The following ONECUT1 variants were observed in gnomAD, a reference collection of about 807,000 sequenced individuals.
The protein encoded by ONECUT1 is hepatocyte nuclear factor 6.
A neutral mutation model predicts 25.6 loss-of-function variants in ONECUT1; 12 were observed. That is an observed-to-expected ratio of 0.47 (90% CI 0.30 to 0.76). ONECUT1 has a LOEUF of 0.76. Ranked by LOEUF, ONECUT1 falls within the 30% of genes least tolerant of loss-of-function variation. The pLI is 0.07. For missense variants in ONECUT1, 620 were observed against 651.2 expected (o/e 0.95, Z 0.52); for synonymous variants, 285 against 270.2 (o/e 1.05, Z -0.54).
intron 1 of ONECUT1, among the ~76,000 whole-genome samples, chr15:52,767,634 T>G (rs372328084): frequency 2.6e-5 from 4 of 152,212 alleles, no homozygotes; most frequent in South Asian, 2.1e-4. Context: ...GCTGCGGCCT[T>G]GCGCCTGCTA....
chr15:52,759,102 T>A (rs2083690475), intron 1 of ONECUT1, among the ~76,000 whole-genome samples: 2 of 152,188 alleles, frequency 1.3e-5, no homozygotes, highest in South Asian at 2.1e-4. Context: ...TGTACTCTCA[T>A]CATGACCATA....
chr15:52,777,091 T>A (rs2083805824), intron 1 of ONECUT1, among the ~76,000 whole-genome samples: 1 of 152,204 alleles, frequency 6.6e-6, no homozygotes, highest in African/African-American at 2.4e-5. Context: ...GCATGTTGAA[T>A]CAATTATTCC....
intron 1 of ONECUT1, 25 bp from the exon 2 acceptor site, chr15:52,757,872 A>G (rs1370249380): frequency 5.0e-6 from 8 of 1,604,538 alleles, no homozygotes; most frequent in Non-Finnish European, 6.8e-6. Context: ...AGAAGATGTT[A>G]GAACAAATGG....
Position 52,789,723 on chromosome 15 carries a change from G to A in ONECUT1, c.162C>T (p.Gly54=). 1 of 1,442,724 alleles carries A rather than the reference G, an allele frequency of 6.9e-7. No homozygotes were observed. Among genetic ancestry groups the A allele is most frequent in the Non-Finnish European group, 9.0e-7 (1 of 1,106,698 alleles). 89.4% of individuals were successfully genotyped at this position (1,442,724 alleles called of 1,614,324 possible). The part of the protein sequence containing the change: ...HLPPAHPRSM[G]MASLLDGGSG... ...TGCCGCCGTCCAGCAGGGACGCCATGCCCATGGAGCGCGGGTGCGCGGGGG... is the reference window on the plus strand; with the variant it reads ...TGCCGCCGTCCAGCAGGGACGCCATACCCATGGAGCGCGGGTGCGCGGGGG... The change falls in exon 1 of 2, where the codon GGC becomes GGT. Residue 54 remains glycine, a synonymous_variant. Coordinates refer to ENST00000305901, the MANE Select transcript of ONECUT1 (RefSeq NM_004498.4). This position sits in a 1 kb window ranked among gnomAD's most constrained non-coding sequence, Gnocchi z 4.1.
chr15:52,764,740 A>T (rs2083724399), intron 1 of ONECUT1, among the ~76,000 whole-genome samples: 1 of 152,232 alleles, frequency 6.6e-6, no homozygotes, highest in Non-Finnish European at 1.5e-5. Flanking sequence ...TGGCATTGTC[A>T]TAAGGGCCTG....
intron 1 of ONECUT1, among the ~76,000 whole-genome samples, chr15:52,768,141 TACAG>T (rs2083746099): frequency 1.3e-5 from 2 of 152,166 alleles, no homozygotes; most frequent in African/African-American, 4.8e-5. Context: ...ATAGGGTGAC[TACAG>T]TTAATTATAA....
intron 1 of ONECUT1, chr15:52,780,900 C>T: frequency 7.7e-7 from 1 of 1,307,176 alleles, no homozygotes; most frequent in Non-Finnish European, 9.7e-7. Flanking sequence ...GCGGCATATG[C>T]AAAGGAAGAT....
rs114032245 is a variant in ONECUT1 at position 52,783,011 on chromosome 15, G to A, written c.1105+5769C>T. Among the ~76,000 whole-genome samples, 1,165 of 152,244 alleles carry A rather than the reference G, an allele frequency of 7.7e-3. 14 individuals carry two copies. The highest frequency in any genetic ancestry group is 0.026 in the African/African-American group (1,100 of 41,536). On this transcript the variant is annotated intron_variant, in intron 1 of 1. Transcript: ENST00000305901. ...TTTTATTGGTATGCTCTGTAAGAAC[G>A]ATTTCTTCTGATAACTTGGGGTAGC...
chr15:52,789,674 G>T lies in ONECUT1; in HGVS notation c.211C>A (p.His71Asn). The T allele has an allele frequency of 2.0e-6, 3 of 1,518,088 alleles. No homozygotes were observed. In the East Asian group the frequency reaches 7.3e-5, roughly 37 times the overall value. The allele number at this position is 1,518,088 out of a possible 1,614,324, so 94.0% of individuals were successfully genotyped here. A position where few individuals can be genotyped will look rare whatever the true frequency, so the allele number is the denominator to read the frequency against. Residue 71 changes from histidine to asparagine, a missense_variant, in exon 1 of 2, where the codon CAC becomes AAC. Physicochemically the swap from His to Asn is moderately conservative, Grantham distance 68. Around this residue, in one of 4 missense-constraint regions of ONECUT1, gnomAD observed 440 missense variants for 404.9 expected, o/e 1.09. Coordinates refer to ENST00000305901, the MANE Select transcript of ONECUT1 (RefSeq NM_004498.4). This position sits in a 1 kb window ranked among gnomAD's most constrained non-coding sequence, Gnocchi z 4.1. ...AGGCTGTGCTCAGGGGCCCGGTGGT[G>T]GTGGTGGTAATCTCCGCCGCCGCTG... ...GGSGGGDYHH[H>N]HRAPEHSLAG...
rs1159628456 is a variant in ONECUT1, at chr15:52,790,320, A to G, written c.-436T>C. 5.3e-5 allele frequency among the ~76,000 whole-genome samples: 8 copies of G among 150,452 alleles called. No homozygotes were observed. ...CCCGCCCCGCTGGCCAGCTTGAGCC[A>G]TGGCTCTGTTACTGTTACAGACTCT... On this transcript the variant is annotated 5_prime_UTR_variant, in exon 1 of 2. An upstream start codon of the reference 5' UTR is lost. Transcript: ENST00000305901.
At chr15:52,760,018 C>A (rs2083696716) in intron 1 of ONECUT1, among the ~76,000 whole-genome samples, 1 of 152,098 alleles carries the variant, frequency 6.6e-6, no homozygotes, top group Non-Finnish European at 1.5e-5. Flanking sequence ...GGCCACTGGT[C>A]CAACCATTAG....
intron 1 of ONECUT1, among the ~76,000 whole-genome samples, chr15:52,765,232 G>A (rs1277357897): frequency 6.6e-6 from 1 of 152,220 alleles, no homozygotes; most frequent in Non-Finnish European, 1.5e-5. Flanking sequence ...TTGGGGAGAT[G>A]ATGAAAATGT....
intron 1 of ONECUT1, among the ~76,000 whole-genome samples, chr15:52,761,971 G>C (rs2083708590): frequency 6.6e-6 from 1 of 152,198 alleles, no homozygotes; most frequent in African/African-American, 2.4e-5. Context: ...GCAGACAGCA[G>C]GATGTATGGG....
intron 1 of ONECUT1, 112 bp from the exon 2 acceptor site, chr15:52,757,959 G>C (rs957075584): frequency 2.7e-6 from 3 of 1,130,566 alleles, no homozygotes; most frequent in African/African-American, 3.1e-5. Flanking sequence ...CTTTCTGTTT[G>C]CTGACCTCTG....
In ONECUT1 at chr15:52,784,316, C is replaced by T. The variant is rs948252745; in HGVS notation, c.1105+4464G>A. Among the ~76,000 whole-genome samples the T allele has an allele frequency of 6.6e-6, 1 of 152,232 alleles. No homozygotes were observed. Among genetic ancestry groups the T allele is most frequent in the African/African-American group, 2.4e-5 (1 of 41,464 alleles). On this transcript the variant is annotated intron_variant, in intron 1 of 1. Coordinates refer to ENST00000305901, the MANE Select transcript of ONECUT1 (RefSeq NM_004498.4). This position sits in a 1 kb window ranked among gnomAD's most constrained non-coding sequence, Gnocchi z 5.0. ...GGCTGGGTCTCTAGCAACCGCTGTGCCCTGGGTCAGGCTGGTCGCCCCAGC... is the reference window on the plus strand; with the variant it reads ...GGCTGGGTCTCTAGCAACCGCTGTGTCCTGGGTCAGGCTGGTCGCCCCAGC...
intron 1 of ONECUT1, among the ~76,000 whole-genome samples, chr15:52,758,050 T>C (rs781284755): frequency 6.6e-6 from 1 of 152,204 alleles, no homozygotes; most frequent in Non-Finnish European, 1.5e-5. Flanking sequence ...CTGTGAGGCC[T>C]GGGCATGGGT....
In ONECUT1 at chr15:52,758,464, T is replaced by TA. The variant is rs552384066; in HGVS notation, c.1106-618dup. Among the ~76,000 whole-genome samples the TA allele has an allele frequency of 1.1e-3, 166 of 152,336 alleles. 1 individual carries two copies. The highest frequency in any genetic ancestry group is 1.3e-3 in the Admixed American group (20 of 15,296). ...AGAAAGTTAAGTATATAGTTTTTTT[T>TA]ATCATGGCCATCAAACAGTCTTCCA... On this transcript the variant is annotated intron_variant, in intron 1 of 1. Coordinates refer to ENST00000305901, the MANE Select transcript of ONECUT1 (RefSeq NM_004498.4).
chr15:52,778,383 G>A (rs1401186521), intron 1 of ONECUT1, among the ~76,000 whole-genome samples: 3 of 152,084 alleles, frequency 2.0e-5, no homozygotes, highest in South Asian at 4.1e-4. Flanking sequence ...GAACAATGCT[G>A]CCAAGAACAG....
At chr15:52,767,840 T>C (rs2083743810) in intron 1 of ONECUT1, among the ~76,000 whole-genome samples, 1 of 152,188 alleles carries the variant, frequency 6.6e-6, no homozygotes, top group African/African-American at 2.4e-5. Flanking sequence ...GATATACATA[T>C]ATACATATTA....
Sources: allele counts gnomAD v4.1 joint callset (sites outside exome capture counted in the v4.1 genomes callset), GRCh38; gene constraint gnomAD v4.1.1; regional missense constraint gnomAD v4.1.1; non-coding constraint Gnocchi (gnomAD v3.1); transcripts MANE v1.5; gene names NCBI Gene and HGNC (gene_info 2026-07-23, HGNC 2026-07-21).